Variants in GRM7 observed in about 807,000 individuals in gnomAD.
GRM7 encodes metabotropic glutamate receptor 7.
A neutral mutation model predicts 84.5 loss-of-function variants in GRM7; 35 were observed. The ratio of observed to expected loss-of-function variants is 0.41; its 90% CI spans 0.32 to 0.55. GRM7 has a LOEUF of 0.55. Among genes scored for constraint, GRM7 ranks in the 20% least tolerant of loss-of-function variants. The probability of loss-of-function intolerance (pLI) is 0.19; values close to 1 mark genes in which losing one functional copy is unlikely to be tolerated. For missense variants in GRM7, 1,003 were observed against 1,194.6 expected (o/e 0.84, Z 2.36); for synonymous variants, 487 against 455.1 (o/e 1.07, Z -0.89).
chr3:7,377,024 T>C (rs952096310), intron 4 of GRM7, among the ~76,000 whole-genome samples: 2 of 152,298 alleles, frequency 1.3e-5, no homozygotes, highest in African/African-American at 4.8e-5. Context: ...GGAGACAAAG[T>C]AGACCCAAAT....
rs79622971 is a variant in GRM7, at chr3:7,402,144, A to T, written c.1034-12879A>T. Among the ~76,000 whole-genome samples, 561 of 152,224 alleles carry T rather than the reference A, an allele frequency of 3.7e-3. 7 individuals carry two copies. The highest frequency in any genetic ancestry group is 0.034 in the Middle Eastern group (10 of 294). On this transcript the variant is annotated intron_variant, in intron 4 of 9. Coordinates refer to ENST00000357716, the MANE Select transcript of GRM7 (RefSeq NM_000844.4). ...ATGTGGCTGCTATCAGCAACTCCTG[A>T]GTTTACATCTCTTCTATAAAGTGAG... is the stretch of plus-strand genomic sequence containing the variant.
intron 1 of GRM7, among the ~76,000 whole-genome samples, chr3:7,117,153 A>C (rs554990072): frequency 8.5e-5 from 13 of 152,276 alleles, no homozygotes; most frequent in African/African-American, 3.1e-4. Flanking sequence ...GGAGATGGGA[A>C]ACCCCGCAGT....
At position 7,667,825 on chromosome 3, in the gene GRM7, G is replaced by C. The variant is rs1328505488; in HGVS notation, c.2452-12224G>C. 3.3e-5 allele frequency among the ~76,000 whole-genome samples: 5 copies of C among 149,406 alleles called. No individual in the cohort carries two copies. In the South Asian group the frequency reaches 8.5e-4, roughly 25 times the overall value. On this transcript the variant is annotated intron_variant, in intron 8 of 9. Transcript: ENST00000357716. ...GCATTACAAAAACAAAACACATATA[G>C]GGTCTCAGTTAAGTCAAAGTCAGCA...
chr3:7,440,669 C>T (rs1697251030), intron 5 of GRM7, among the ~76,000 whole-genome samples: 1 of 152,120 alleles, frequency 6.6e-6, no homozygotes, highest in Admixed American at 6.6e-5. Flanking sequence ...AAATAGGCCC[C>T]AGCCTCTATT....
intron 1 of GRM7, among the ~76,000 whole-genome samples, chr3:7,069,930 G>A (rs1206393527): frequency 1.3e-5 from 2 of 152,070 alleles, no homozygotes; most frequent in African/African-American, 4.8e-5. Context: ...TTTCCATAGA[G>A]TTGGAGGAGG....
At chr3:6,922,352 GC>G (rs1252121199) in intron 1 of GRM7, among the ~76,000 whole-genome samples, 2 of 152,094 alleles carry the variant, frequency 1.3e-5, no homozygotes, top group Non-Finnish European at 2.9e-5. Flanking sequence ...AAGTCTTCTA[GC>G]TTTTTCGTGG....
intron 1 of GRM7, among the ~76,000 whole-genome samples, chr3:7,120,958 C>T (rs1053636016): frequency 2.0e-5 from 3 of 152,282 alleles, no homozygotes; most frequent in Admixed American, 2.0e-4. Flanking sequence ...TTACCTGTAT[C>T]GCATCACTTA....
intron 8 of GRM7, among the ~76,000 whole-genome samples, chr3:7,637,500 C>T (rs1047002605): frequency 1.3e-5 from 2 of 152,180 alleles, no homozygotes; most frequent in African/African-American, 2.4e-5. Flanking sequence ...ATCCATCAGA[C>T]ACGAAGAATT....
At chr3:7,218,208 A>T (rs959101434) in intron 2 of GRM7, among the ~76,000 whole-genome samples, 5 of 152,100 alleles carry the variant, frequency 3.3e-5, no homozygotes, top group Non-Finnish European at 5.9e-5. Flanking sequence ...TATTTCGTAC[A>T]TATTTGAAAG....
intron 8 of GRM7, among the ~76,000 whole-genome samples, chr3:7,665,141 G>T (rs535278543): frequency 1.3e-5 from 2 of 150,392 alleles, no homozygotes; most frequent in Non-Finnish European, 2.9e-5. Context: ...AGTTTCAACT[G>T]CATACGGAGA....
At chr3:6,953,388 C>T (rs1692876200) in intron 1 of GRM7, among the ~76,000 whole-genome samples, 1 of 152,190 alleles carries the variant, frequency 6.6e-6, no homozygotes. Context: ...CAACATATAG[C>T]AACAGCTGTA....
intron 8 of GRM7, among the ~76,000 whole-genome samples, chr3:7,619,156 G>A (rs536034529): frequency 8.5e-5 from 13 of 152,136 alleles, no homozygotes; most frequent in Middle Eastern, 6.8e-3. Context: ...TATGTGTCAC[G>A]AAATGCTGTA....
chr3:6,871,539 C>T (rs1013896632), intron 1 of GRM7, among the ~76,000 whole-genome samples: 10 of 151,146 alleles, frequency 6.6e-5, no homozygotes, highest in East Asian at 3.9e-4. Context: ...AAAAATATGA[C>T]GGGAAATTTT....
intron 1 of GRM7, among the ~76,000 whole-genome samples, chr3:6,960,202 T>C (rs1693237066): frequency 6.6e-6 from 1 of 152,152 alleles, no homozygotes; most frequent in South Asian, 2.1e-4. Flanking sequence ...CCCCAATCCA[T>C]TCCCCTGCTC....
chr3:6,914,399 T>C (rs1365609380), intron 1 of GRM7, among the ~76,000 whole-genome samples: 1 of 152,122 alleles, frequency 6.6e-6, no homozygotes, highest in Non-Finnish European at 1.5e-5. Context: ...GCTTTCATGA[T>C]AGCTATTTAG....
intron 7 of GRM7, among the ~76,000 whole-genome samples, chr3:7,575,595 T>G (rs1171642580): frequency 6.6e-6 from 1 of 152,216 alleles, no homozygotes; most frequent in Non-Finnish European, 1.5e-5. Context: ...TACATCACAT[T>G]AACAAAATTC....
rs140279592 is a variant in GRM7 at position 7,728,361 on chromosome 3, T to C, written c.2699-11996T>C. On this transcript the variant is annotated intron_variant, in intron 9 of 9. Coordinates refer to ENST00000357716, the MANE Select transcript of GRM7 (RefSeq NM_000844.4). ...TTGTAAAGTTTTTCCAGTGCTTATA[T>C]ATGTTTCAAACTATATACCTACATG... Among the ~76,000 whole-genome samples the C allele has an allele frequency of 1.6e-3, 242 of 152,306 alleles. 3 individuals are homozygous for C. Among genetic ancestry groups the C allele is most frequent in the Non-Finnish European group, 1.6e-4 (11 of 68,026 alleles).
intron 8 of GRM7, among the ~76,000 whole-genome samples, chr3:7,658,036 A>G (rs1699278836): frequency 6.6e-6 from 1 of 152,218 alleles, no homozygotes; most frequent in Non-Finnish European, 1.5e-5. Context: ...ACCAGAATTG[A>G]TAAGAATGAA....
At chr3:7,581,847 G>T (rs1695269972) in intron 8 of GRM7, among the ~76,000 whole-genome samples, 1 of 147,976 alleles carries the variant, frequency 6.8e-6, no homozygotes, top group African/African-American at 2.4e-5. Context: ...AGACAGCAGT[G>T]TTCTTTTCCT....
Sources: allele counts gnomAD v4.1 joint callset (sites outside exome capture counted in the v4.1 genomes callset), GRCh38; gene constraint gnomAD v4.1.1; transcripts MANE v1.5; gene names NCBI Gene and HGNC (gene_info 2026-07-23, HGNC 2026-07-21).